The following SEL1L3 variants were observed in gnomAD, a reference collection of about 807,000 sequenced individuals.
The protein encoded by SEL1L3 is protein sel-1 homolog 3.
Under a neutral mutation model 142.8 loss-of-function variants are expected in SEL1L3, and 76 were observed. The observed-to-expected ratio is 0.53, with a 90% confidence interval of 0.44 to 0.64. The LOEUF (loss-of-function observed/expected upper bound fraction) is 0.64. SEL1L3 is among the 30% of genes least tolerant of loss of function. SEL1L3 has a pLI of 0.00. For missense variants in SEL1L3, 1,262 were observed against 1,381.7 expected, an observed-to-expected ratio of 0.91 and a Z score of 1.37; for synonymous variants, 504 against 519.6, an observed-to-expected ratio of 0.97 and a Z score of 0.41.
At chr4:25,789,016 G>GAA (rs1712077394) in intron 12 of SEL1L3, among the ~76,000 whole-genome samples, 1 of 152,128 alleles carries the variant, frequency 6.6e-6, no homozygotes, top group African/African-American at 2.4e-5. Flanking sequence ...GCACACCCAG[G>GAA]AAATGGCTCT....
At chr4:25,808,144 C>T (rs978125653) in intron 9 of SEL1L3, among the ~76,000 whole-genome samples, 1 of 152,126 alleles carries the variant, frequency 6.6e-6, no homozygotes, top group Non-Finnish European at 1.5e-5. Context: ...TAATTTCACC[C>T]ATCTGGCTTA....
At chr4:25,826,185 C>A (rs1485608678) in intron 6 of SEL1L3, among the ~76,000 whole-genome samples, 3 of 152,172 alleles carry the variant, frequency 2.0e-5, no homozygotes, top group Admixed American at 2.0e-4. Context: ...TGGCATGTGA[C>A]AGGTGCTCAG....
intron 15 of SEL1L3, among the ~76,000 whole-genome samples, chr4:25,780,625 A>G (rs987196768): frequency 4.6e-5 from 7 of 151,764 alleles, no homozygotes; most frequent in African/African-American, 1.4e-4. Context: ...AGTCTATACA[A>G]TATCACCTTA....
At chr4:25,863,120 G>C (rs1027074010), upstream of SEL1L3, 68 of 142,534 alleles carry the variant, frequency 4.8e-4, no homozygotes, top group African/African-American at 1.9e-3. Context: ...CTGGCCCCCG[G>C]GCTTCCACCC....
intron 20 of SEL1L3, 89 bp from the exon 21 acceptor site, chr4:25,759,157 T>C: frequency 6.2e-6 from 9 of 1,453,110 alleles, no homozygotes; most frequent in Non-Finnish European, 8.3e-6. Flanking sequence ...GTTTACAACC[T>C]CTAAAATTTT....
chr4:25,798,330 G>A (rs1013007858), intron 11 of SEL1L3, among the ~76,000 whole-genome samples: 2 of 152,164 alleles, frequency 1.3e-5, no homozygotes, highest in Non-Finnish European at 2.9e-5. Context: ...CTGAACAGCA[G>A]GCTTATTTTA....
intron 12 of SEL1L3, among the ~76,000 whole-genome samples, chr4:25,789,012 C>T (rs560050849): frequency 1.3e-5 from 2 of 152,174 alleles, no homozygotes; most frequent in African/African-American, 4.8e-5. Flanking sequence ...TCTGGCACAC[C>T]CAGGAAATGG....
chr4:25,728,996 C>T, the SEL1L3 span, among the ~76,000 whole-genome samples: 1 of 152,136 alleles, frequency 6.6e-6, no homozygotes, highest in African/African-American at 2.4e-5. Context: ...GAAGGTCAGT[C>T]ACACTTCAGT....
At chr4:25,848,245 A>G (rs1454976116) in intron 1 of SEL1L3, among the ~76,000 whole-genome samples, 4 of 152,250 alleles carry the variant, frequency 2.6e-5, no homozygotes, top group African/African-American at 9.6e-5. Flanking sequence ...GACATTTTCA[A>G]ACCATTGTCC....
At chr4:25,745,395 A>T (rs1370300331), downstream of SEL1L3, among the ~76,000 whole-genome samples, 2 of 109,660 alleles carry the variant, frequency 1.8e-5, no homozygotes, top group African/African-American at 1.1e-4. Flanking sequence ...ACTCAGTCTC[A>T]AAAAAAAAAA....
downstream of SEL1L3, among the ~76,000 whole-genome samples, chr4:25,746,099 T>C (rs977250476): frequency 1.3e-5 from 2 of 152,108 alleles, no homozygotes; most frequent in Non-Finnish European, 2.9e-5. Flanking sequence ...GATTGGATAA[T>C]GGGGATGGAT....
intron 17 of SEL1L3, 123 bp from the exon 18 acceptor site, chr4:25,767,953 G>C: frequency 1.6e-6 from 1 of 634,436 alleles, no homozygotes; most frequent in South Asian, 2.1e-5. Flanking sequence ...CCACAAAATC[G>C]TGAGTTTTTT....
the SEL1L3 span, among the ~76,000 whole-genome samples, chr4:25,735,501 T>G: frequency 6.6e-6 from 1 of 151,996 alleles, no homozygotes; most frequent in East Asian, 1.9e-4. Context: ...ATTATCTTTA[T>G]TTTTTTCTGG....
chr4:25,761,187 T>TTTTTG (rs769227535), intron 20 of SEL1L3, among the ~76,000 whole-genome samples: 4 of 152,110 alleles, frequency 2.6e-5, no homozygotes, highest in Non-Finnish European at 4.4e-5. Context: ...GCTTTATGAT[T>TTTTTG]TTTTGTTTTG....
At chr4:25,798,818 G>A (rs1354359857) in intron 11 of SEL1L3, among the ~76,000 whole-genome samples, 2 of 152,044 alleles carry the variant, frequency 1.3e-5, no homozygotes, top group Non-Finnish European at 2.9e-5. Context: ...ATAAGAGTGA[G>A]ACTCTGTTTC....
intron 19 of SEL1L3, 106 bp downstream of exon 19, chr4:25,767,419 A>T (rs62411789): frequency 0.053 from 35,556 of 674,222 alleles, 1,082 homozygotes; most frequent in Non-Finnish European, 0.063. Context: ...TTTCTTTTCT[A>T]ATTATTTAGA....
the SEL1L3 span, among the ~76,000 whole-genome samples, chr4:25,715,129 A>G: frequency 6.6e-6 from 1 of 152,176 alleles, no homozygotes; most frequent in Non-Finnish European, 1.5e-5. Context: ...AGTATACATA[A>G]GTGGTCTTAA....
At chr4:25,742,562 C>T (rs1717151010), downstream of SEL1L3, among the ~76,000 whole-genome samples, 1 of 152,140 alleles carries the variant, frequency 6.6e-6, no homozygotes, top group African/African-American at 2.4e-5. Flanking sequence ...TCTCAAAGTG[C>T]TGGGATGATA....
intron 9 of SEL1L3, among the ~76,000 whole-genome samples, chr4:25,811,527 T>C (rs1391716866): frequency 6.6e-6 from 1 of 152,174 alleles, no homozygotes; most frequent in Non-Finnish European, 1.5e-5. Context: ...TGAACTTGGG[T>C]CTCCTGGAAG....
Sources: allele counts gnomAD v4.1 joint callset (sites outside exome capture counted in the v4.1 genomes callset), GRCh38; gene constraint gnomAD v4.1.1; transcripts MANE v1.5; gene names NCBI Gene and HGNC (gene_info 2026-07-23, HGNC 2026-07-21).